The following FAAH2 variants were observed in gnomAD, a reference collection of about 807,000 sequenced individuals.
FAAH2 encodes fatty-acid amide hydrolase 2.
In FAAH2, 60 loss-of-function variants were observed where a neutral mutation model predicts 36.9. The ratio of observed to expected loss-of-function variants is 1.63; its 90% CI spans 1.32 to 2.02. The LOEUF (loss-of-function observed/expected upper bound fraction) is 2.02. FAAH2 is among the 30% of genes most tolerant of loss of function. The pLI is 0.00. For missense variants in FAAH2, 689 were observed against 397.5 expected (o/e 1.73, Z -6.23); for synonymous variants, 214 against 143.8 (o/e 1.49, Z -3.49).
At chrX:57,290,531 C>T (rs2146782034) in intron 1 of FAAH2, among the ~76,000 whole-genome samples, 1 of 110,631 alleles carries the variant, frequency 9.0e-6, no homozygotes, top group African/African-American at 3.3e-5. Flanking sequence ...ATGGTTGTAC[C>T]TTATTTTTTC....
the FAAH2 span, among the ~76,000 whole-genome samples, chrX:57,248,492 G>A: frequency 4.5e-5 from 5 of 111,032 alleles, no homozygotes; most frequent in Admixed American, 9.6e-5. Context: ...GGTGGCTCAC[G>A]CCTGTAATCC....
At chrX:57,354,930 A>G (rs888399244) in intron 5 of FAAH2, among the ~76,000 whole-genome samples, 7 of 110,892 alleles carry the variant, frequency 6.3e-5, no homozygotes, top group African/African-American at 2.3e-4. Context: ...ATACACAGCA[A>G]AAGGACTGAA....
the FAAH2 span, among the ~76,000 whole-genome samples, chrX:57,265,669 T>G: frequency 8.9e-6 from 1 of 112,139 alleles, no homozygotes; most frequent in South Asian, 3.8e-4. Flanking sequence ...GCCAGTGTTC[T>G]CTGGCCAGTA....
intron 5 of FAAH2, among the ~76,000 whole-genome samples, chrX:57,362,293 G>A (rs2054304939): frequency 9.0e-6 from 1 of 110,587 alleles, no homozygotes; most frequent in Non-Finnish European, 1.9e-5. Flanking sequence ...ATAAGTGGGA[G>A]TTGAGCAATG....
chrX:57,486,663 G>C (rs1487363419), intron 10 of FAAH2, among the ~76,000 whole-genome samples: 1 of 111,598 alleles, frequency 9.0e-6, no homozygotes, highest in East Asian at 2.8e-4. Flanking sequence ...TGAGCTTCCT[G>C]TAAAGCACCC....
chrX:57,127,894 T>G, the FAAH2 span, among the ~76,000 whole-genome samples: 1 of 111,978 alleles, frequency 8.9e-6, no homozygotes, highest in Non-Finnish European at 1.9e-5. Flanking sequence ...TCTCACTTTT[T>G]AACGTAAGTG....
the FAAH2 span, among the ~76,000 whole-genome samples, chrX:57,266,844 C>A: frequency 8.9e-6 from 1 of 112,518 alleles, no homozygotes; most frequent in Non-Finnish European, 1.9e-5. Flanking sequence ...AGTGCAAGAG[C>A]ATCTGTCGTG....
At chrX:57,223,331 C>T in the FAAH2 span, among the ~76,000 whole-genome samples, 9 of 111,654 alleles carry the variant, frequency 8.1e-5, no homozygotes, top group Non-Finnish European at 1.3e-4. Flanking sequence ...CCTCTTTACT[C>T]CTCAGAAGAA....
At chrX:57,345,868 T>C (rs913629932) in intron 5 of FAAH2, among the ~76,000 whole-genome samples, 2 of 111,792 alleles carry the variant, frequency 1.8e-5, no homozygotes, top group Non-Finnish European at 3.8e-5. Flanking sequence ...TATACCTTAA[T>C]TTCATCGTTC....
At chrX:57,274,581 G>A in the FAAH2 span, among the ~76,000 whole-genome samples, 2 of 111,738 alleles carry the variant, frequency 1.8e-5, no homozygotes, top group Non-Finnish European at 3.8e-5. Context: ...TTCATACCTG[G>A]GATGCAGAGC....
the FAAH2 span, among the ~76,000 whole-genome samples, chrX:57,214,224 C>T: frequency 9.0e-6 from 1 of 111,460 alleles, no homozygotes; most frequent in African/African-American, 3.3e-5. Context: ...AGCCACATAG[C>T]GTTGGTTTGT....
At chrX:57,198,901 G>A in the FAAH2 span, among the ~76,000 whole-genome samples, 5 of 112,183 alleles carry the variant, frequency 4.5e-5, no homozygotes, top group African/African-American at 6.5e-5. Flanking sequence ...ATTTGTATTT[G>A]GAGGCAGACG....
In FAAH2 at chrX:57,287,080, G is replaced by A. The variant is rs917835292; in HGVS notation, c.192+63G>A. On this transcript the variant is annotated intron_variant, in intron 1 of 10. Coordinates refer to ENST00000374900, the MANE Select transcript of FAAH2 (RefSeq NM_174912.4). The stretch of plus-strand genomic sequence containing the variant: ...CTTTTAGCAGGATCCAGGAAGCTTA[G>A]TGGTGGCGGTGGTTGTGGTTTCCTT... 19 of 1,042,519 alleles carry A rather than the reference G, an allele frequency of 1.8e-5. No individual in the cohort carries two copies. The South Asian group carries it at 4.7e-4, about 26-fold the overall frequency. The allele number at this position is 1,042,519 out of a possible 1,213,427, so 85.9% of individuals were successfully genotyped here.
the FAAH2 span, among the ~76,000 whole-genome samples, chrX:57,199,280 T>C: frequency 1.8e-5 from 2 of 111,798 alleles, no homozygotes; most frequent in African/African-American, 3.2e-5. Context: ...TGGTATGTTG[T>C]GTTTTTTTTA....
chrX:57,159,179 G>C, the FAAH2 span, among the ~76,000 whole-genome samples: 1 of 111,584 alleles, frequency 9.0e-6, no homozygotes, highest in Non-Finnish European at 1.9e-5. Flanking sequence ...TGAGGGCTCT[G>C]TTCTGTTCCA....
Position 57,463,614 on chromosome X carries a change from CA to C in FAAH2, c.1423+14903del, listed in dbSNP as rs1178943124. On this transcript the variant is annotated intron_variant, in intron 10 of 10. Transcript: ENST00000374900. ...GAAAACTGGCTAAACAGACACTTCT[CA>C]AAAAAAGACATTTATCTGGCCAACA... Among the ~76,000 whole-genome samples, 11 of 110,400 alleles carry C rather than the reference CA, an allele frequency of 1.0e-4. No homozygotes were observed. In the East Asian group the frequency reaches 3.1e-3, roughly 31 times the overall value.
At chrX:57,476,482 G>C (rs1412330855) in intron 10 of FAAH2, among the ~76,000 whole-genome samples, 1 of 111,368 alleles carries the variant, frequency 9.0e-6, no homozygotes, top group Non-Finnish European at 1.9e-5. Flanking sequence ...TTATCTGATG[G>C]ATTACGTTTT....
At chrX:57,210,563 C>G in the FAAH2 span, among the ~76,000 whole-genome samples, 1 of 112,184 alleles carries the variant, frequency 8.9e-6, no homozygotes, top group African/African-American at 3.2e-5. Context: ...ATTTAACAAG[C>G]ATTTTTGATG....
chrX:57,217,023 A>G, the FAAH2 span, among the ~76,000 whole-genome samples: 1 of 111,056 alleles, frequency 9.0e-6, no homozygotes, highest in Non-Finnish European at 1.9e-5. Context: ...TTCCCTGATC[A>G]TTAGTGATGT....
Sources: gnomAD v4.1 joint callset for allele counts (sites outside exome capture counted in the v4.1 genomes callset) on GRCh38, gnomAD v4.1.1 for gene constraint, MANE v1.5 for transcripts, NCBI Gene and HGNC (gene_info 2026-07-23, HGNC 2026-07-21) for gene names.